DGLUCY: variants seen among roughly 807,000 people sequenced by gnomAD.
DGLUCY encodes the protein D-glutamate cyclase, mitochondrial.
Under a neutral mutation model 58.5 loss-of-function variants are expected in DGLUCY, and 58 were observed. The ratio of observed to expected loss-of-function variants is 0.99; its 90% confidence interval spans 0.80 to 1.23. The LOEUF (loss-of-function observed/expected upper bound fraction) is 1.23. Among genes scored for constraint, DGLUCY ranks in the 50% most tolerant of loss-of-function variants. The pLI, the probability that DGLUCY is intolerant of heterozygous loss-of-function variation, is 0.00. For missense variants in DGLUCY, 779 were observed against 784.7 expected (o/e 0.99, Z 0.09); for synonymous variants, 325 against 314.1 (o/e 1.03, Z -0.37).
chr14:91,130,057 T>TA (rs2045944699), intron 1 of DGLUCY, among the ~76,000 whole-genome samples: 1 of 152,234 alleles, frequency 6.6e-6, no homozygotes, highest in Non-Finnish European at 1.5e-5. Context: ...ATGTACTGTT[T>TA]AGAGTGTATA....
chr14:91,200,008 G>A, intron 11 of DGLUCY, 103 bp downstream of exon 11: 1 of 1,455,044 alleles, frequency 6.9e-7, no homozygotes, highest in Non-Finnish European at 9.5e-7. Flanking sequence ...AGGCTGGAGT[G>A]CAGTGGCACG....
At chr14:91,153,928 C>G (rs1170800497) in intron 1 of DGLUCY, among the ~76,000 whole-genome samples, 1 of 152,094 alleles carries the variant, frequency 6.6e-6, no homozygotes, top group Non-Finnish European at 1.5e-5. Flanking sequence ...TTTTTTGAGA[C>G]AGGGTCTCAC....
intron 7 of DGLUCY, among the ~76,000 whole-genome samples, chr14:91,176,846 C>T (rs1261450842): frequency 6.6e-6 from 1 of 152,188 alleles, no homozygotes; most frequent in Non-Finnish European, 1.5e-5. Context: ...AAGTGATCCT[C>T]CCACCTCAGC....
chr14:91,189,043 A>C lies in DGLUCY; in HGVS notation c.1068A>C (p.Thr356=), dbSNP rs1566993664. Residue 356 remains threonine (T), a synonymous_variant, in exon 9 of 14, where the codon ACA becomes ACC. Transcript: ENST00000256324. ...THFNHEPPEE[T]DGPPGAVALV... ...TCAATCATGAGCCTCCAGAAGAGAC[A>C]GATGGCCCACCAGGAGCTGTTGCTC... 1 of 1,614,214 alleles carries C rather than the reference A, an allele frequency of 6.2e-7. No individual in the cohort carries two copies.
upstream of DGLUCY, among the ~76,000 whole-genome samples, chr14:91,104,464 C>T (rs2044553475): frequency 6.6e-6 from 1 of 152,006 alleles, no homozygotes; most frequent in Non-Finnish European, 1.5e-5. Flanking sequence ...ATAGGACAGC[C>T]CCCCACAACA....
intron 1 of DGLUCY, among the ~76,000 whole-genome samples, chr14:91,123,856 G>A (rs985541630): frequency 6.6e-6 from 1 of 151,778 alleles, no homozygotes; most frequent in African/African-American, 2.4e-5. Flanking sequence ...GGGATTACAC[G>A]CATGAGCCAC....
At position 91,217,630 on chromosome 14, in the gene DGLUCY, G is replaced by A. The variant is rs552916073; in HGVS notation, c.1716+2074G>A. Among the ~76,000 whole-genome samples, 11 of 150,734 alleles carry A rather than the reference G, an allele frequency of 7.3e-5. No individual in the cohort carries two copies. The South Asian group carries it at 1.0e-3, about 14-fold the overall frequency. ...CTCTCGAGTAGCTGGGATTACAGGT[G>A]CCTGCCACCATGCCCAGCTAATTTT... On this transcript the variant is annotated intron_variant, in intron 13 of 13. Transcript: ENST00000256324.
intron 13 of DGLUCY, among the ~76,000 whole-genome samples, chr14:91,217,079 C>T (rs1436014742): frequency 6.6e-6 from 1 of 152,222 alleles, no homozygotes; most frequent in Admixed American, 6.5e-5. Context: ...ATGGGACCTG[C>T]CCCTCTTGGA....
chr14:91,064,411 G>A (rs144915530), intron 1 of DGLUCY, among the ~76,000 whole-genome samples: 68 of 151,904 alleles, frequency 4.5e-4, no homozygotes, highest in Middle Eastern at 6.8e-3. Context: ...TGGGCAGATC[G>A]CTTGAATTCA....
chr14:91,132,637 C>T (rs1373356840), intron 1 of DGLUCY, among the ~76,000 whole-genome samples: 4 of 152,138 alleles, frequency 2.6e-5, no homozygotes, highest in Admixed American at 2.6e-4. Context: ...CGCCACTGCG[C>T]CCGGCTAATT....
chr14:91,190,056 C>T (rs2049782647), intron 9 of DGLUCY, among the ~76,000 whole-genome samples: 1 of 141,168 alleles, frequency 7.1e-6, no homozygotes, highest in African/African-American at 2.7e-5. Flanking sequence ...GGCGCGATCT[C>T]GGCTCACTGC....
intron 12 of DGLUCY, among the ~76,000 whole-genome samples, chr14:91,211,442 CA>C (rs1885665276): frequency 6.6e-6 from 1 of 152,180 alleles, no homozygotes; most frequent in Non-Finnish European, 1.5e-5. Context: ...TATAAAGCTA[CA>C]GTAATCAAGG....
At chr14:91,192,489 G>T (rs374493619) in intron 9 of DGLUCY, among the ~76,000 whole-genome samples, 2 of 152,106 alleles carry the variant, frequency 1.3e-5, no homozygotes, top group Non-Finnish European at 2.9e-5. Flanking sequence ...GCTAAAACAG[G>T]CCGGGCACAG....
At chr14:91,167,555 C>G (rs2048351659) in intron 4 of DGLUCY, 177 bp downstream of exon 4, 1 of 817,410 alleles carries the variant, frequency 1.2e-6, no homozygotes, top group African/African-American at 1.7e-5. Context: ...GTTCTGACTC[C>G]TTCCCCTATC....
At chr14:91,193,285 G>C (rs1484104067) in intron 9 of DGLUCY, among the ~76,000 whole-genome samples, 1 of 152,162 alleles carries the variant, frequency 6.6e-6, no homozygotes, top group African/African-American at 2.4e-5. Context: ...TCTGACAACG[G>C]TGTTGCTGGG....
upstream of DGLUCY, among the ~76,000 whole-genome samples, chr14:91,111,190 T>C (rs1034975381): frequency 1.5e-5 from 2 of 135,854 alleles, no homozygotes; most frequent in African/African-American, 5.6e-5. Context: ...CCTTTTCTTT[T>C]TATTTATATA....
chr14:91,219,105 G>T (rs528973601), intron 13 of DGLUCY, among the ~76,000 whole-genome samples: 1 of 151,930 alleles, frequency 6.6e-6, no homozygotes, highest in East Asian at 1.9e-4. Flanking sequence ...ACTTAAACTC[G>T]GGAGGCGGAG....
At chr14:91,168,677 T>C (rs1222479000) in intron 4 of DGLUCY, among the ~76,000 whole-genome samples, 2 of 152,250 alleles carry the variant, frequency 1.3e-5, no homozygotes, top group East Asian at 3.8e-4. Context: ...TGGAAGAGAA[T>C]TGATTTCTTC....
chr14:91,189,284 G>C, intron 9 of DGLUCY, 114 bp downstream of exon 9: 2 of 1,344,144 alleles, frequency 1.5e-6, no homozygotes, highest in South Asian at 2.7e-5. Flanking sequence ...GAACAACTCC[G>C]TTGTAAGCTG....
Sources: gnomAD v4.1 joint callset for allele counts (sites outside exome capture counted in the v4.1 genomes callset) on GRCh38, gnomAD v4.1.1 for gene constraint, MANE v1.5 for transcripts, NCBI Gene and HGNC (gene_info 2026-07-23, HGNC 2026-07-21) for gene names.